Variants in LRP2 observed in about 807,000 individuals in gnomAD.
LRP2 encodes low-density lipoprotein receptor-related protein 2.
LRP2 carries 172 observed loss-of-function variants against 531.0 expected under a neutral mutation model. That is an observed-to-expected ratio of 0.32 (90% CI 0.29 to 0.37). LRP2 has a LOEUF of 0.37. LRP2 is among the 10% of genes least tolerant of loss of function. The pLI is 1.00. For missense variants in LRP2, 5,167 were observed against 5,868.3 expected, an observed-to-expected ratio of 0.88 and a Z score of 3.90; for synonymous variants, 1,992 against 2,027.6, an observed-to-expected ratio of 0.98 and a Z score of 0.47.
chr2:169,235,842 A>C lies in LRP2; in HGVS notation c.4918T>G (p.Leu1640Val). 1.2e-6 allele frequency: 2 copies of C among 1,613,418 alleles called. No homozygotes were observed. Among genetic ancestry groups the C allele is most frequent in the Non-Finnish European group, 1.7e-6 (2 of 1,179,364 alleles). The change falls in exon 29 of 79, where the codon TTG becomes GTG. Residue 1640 changes from leucine to valine, a missense_variant and splice_region_variant. This residue lies in a region of LRP2 where 2,811 missense variants were observed against 3,058.0 expected (regional missense o/e 0.92). Transcript: ENST00000649046. ...HHRRQVIASD[L>V]IIRHPYALTL... ...GGTTTTCCTCACCACCAACTTACCA[A>C]ATCACTGGCTATCACCTGTCTCCGA...
At chr2:169,171,248 C>T (rs1686993910) in intron 58 of LRP2, among the ~76,000 whole-genome samples, 1 of 152,120 alleles carries the variant, frequency 6.6e-6, no homozygotes, top group African/African-American at 2.4e-5. Flanking sequence ...AAGTGGTGAT[C>T]ACTTTTTTCT....
chr2:169,225,412 T>C lies in LRP2; in HGVS notation c.5436A>G (p.Thr1812=). The change falls in exon 33 of 79, where the codon ACA becomes ACG. Residue 1812 remains threonine (T), a synonymous_variant. Transcript: ENST00000649046. ...CCACCATAGATATAGAAGCAAATAC[T>C]GTCCTGTTGGTGCCATCTGTCTTCA... ...HRVKTDGTNR[T]VFASISMVGP... is the part of the protein sequence containing the mutation. 6.2e-7 allele frequency: 1 copy of C among 1,614,110 alleles called. No individual in the cohort carries two copies. Among genetic ancestry groups the C allele is most frequent in the Non-Finnish European group, 8.5e-7 (1 of 1,179,964 alleles).
intron 60 of LRP2, 35 bp from the exon 61 acceptor site, chr2:169,168,711 A>G (rs982288952): frequency 1.2e-6 from 2 of 1,611,820 alleles, no homozygotes; most frequent in Non-Finnish European, 1.7e-6. Flanking sequence ...TCAAATTATT[A>G]TACAAATTGA....
rs151320660 is a variant in LRP2 at position 169,220,703 on chromosome 2, T to C, written c.5539-140A>G. 90 of 681,928 alleles carry C rather than the reference T, an allele frequency of 1.3e-4. No homozygotes were observed. In the East Asian group the frequency reaches 2.5e-3, roughly 19 times the overall value. The allele number at this position is 681,928 out of a possible 1,614,324, so 42.2% of individuals were successfully genotyped here. On this transcript the variant is annotated intron_variant, in intron 33 of 78. Transcript: ENST00000649046. ...AGAGAGGATTTGCATGAGATTCAGA[T>C]AATCTATATTGCACTTCAGGGAAAT... is the stretch of plus-strand genomic sequence containing the variant.
Position 169,246,810 on chromosome 2 carries a change from ATAAGCCACAC to A in LRP2, c.3075_3084del (p.Gln1025HisfsTer158). 1 of 1,614,186 alleles carries A rather than the reference ATAAGCCACAC, an allele frequency of 6.2e-7. No individual in the cohort carries two copies. Among genetic ancestry groups the A allele is most frequent in the Non-Finnish European group, 8.5e-7 (1 of 1,180,032 alleles). ...CTGCCATTTTTACAGGGGAAGGAAA[ATAAGCCACAC>A]TGCTCTGTGGGTGGTTCATTGGTTG... is the stretch of plus-strand genomic sequence containing the variant. On this transcript the variant is annotated frameshift_variant, in exon 21 of 79. Transcript: ENST00000649046. LOFTEE classifies it high-confidence loss of function.
intron 13 of LRP2, among the ~76,000 whole-genome samples, chr2:169,277,314 G>A (rs1048438517): frequency 2.0e-5 from 3 of 151,604 alleles, no homozygotes; most frequent in Non-Finnish European, 2.9e-5. Flanking sequence ...AAATATATAA[G>A]AGCAGAGTAA....
intron 50 of LRP2, among the ~76,000 whole-genome samples, chr2:169,183,928 T>A (rs1457666411): frequency 1.3e-5 from 2 of 152,162 alleles, no homozygotes; most frequent in Non-Finnish European, 2.9e-5. Context: ...CTGGGCTCCA[T>A]TCTGCCTTTG....
chr2:169,244,827 T>C lies in LRP2; in HGVS notation c.3296A>G (p.His1099Arg). The change falls in exon 22 of 79, where the codon CAC (histidine) becomes CGC (arginine). Residue 1099 changes from histidine (H) to arginine (R), a missense_variant. Transcript: ENST00000649046. ...RNDCVDGSDE[H>R]NCPTHAPASC... The stretch of plus-strand genomic sequence containing the variant: ...AGCAGGTGCGTGGGTGGGGCAGTTG[T>C]GCTCATCACTGCCATCCACACAGTC... 1 of 1,614,264 alleles carries C rather than the reference T, an allele frequency of 6.2e-7. No individual in the cohort carries two copies. The highest frequency in any genetic ancestry group is 8.5e-7 in the Non-Finnish European group (1 of 1,180,038).
At chr2:169,197,705 A>AG (rs1688053079) in intron 45 of LRP2, among the ~76,000 whole-genome samples, 1 of 152,232 alleles carries the variant, frequency 6.6e-6, no homozygotes, top group African/African-American at 2.4e-5. Context: ...ATGATTTGCC[A>AG]GGGGAGAACT....
At chr2:169,193,970 T>C (rs897875782) in intron 46 of LRP2, 78 bp from the exon 47 acceptor site, 5 of 1,532,084 alleles carry the variant, frequency 3.3e-6, no homozygotes, top group East Asian at 2.3e-5. Flanking sequence ...GGTTGTAGCA[T>C]GGGTTGTCTA....
chr2:169,279,340 T>C (rs752549438), intron 12 of LRP2, 32 bp downstream of exon 12: 10 of 1,511,082 alleles, frequency 6.6e-6, no homozygotes, highest in African/African-American at 1.4e-5. Flanking sequence ...ATTCTAAAAA[T>C]ACAGGAATCA....
intron 1 of LRP2, among the ~76,000 whole-genome samples, chr2:169,354,523 A>C (rs1364745142): frequency 6.6e-6 from 1 of 152,226 alleles, no homozygotes; most frequent in Non-Finnish European, 1.5e-5. Context: ...GCTAATGACC[A>C]AAAGTGAAAC....
chr2:169,181,768 G>C (rs1225602832), intron 51 of LRP2, 150 bp from the exon 52 acceptor site: 1 of 674,952 alleles, frequency 1.5e-6, no homozygotes, highest in Non-Finnish European at 2.6e-6. Context: ...AAAAGAAAGA[G>C]AGCTAACAGC....
In LRP2 at chr2:169,361,878, G is replaced by A. The variant is rs556574044; in HGVS notation, c.79+443C>T. ...AGTGCTCTGGCCCGCGGCCCTGGGC[G>A]CGCGAAGGGATCCCGGGAGGGGCGC... On this transcript the variant is annotated intron_variant, in intron 1 of 78. Transcript: ENST00000649046. Among the ~76,000 whole-genome samples the A allele has an allele frequency of 2.9e-3, 438 of 152,258 alleles. 2 individuals are homozygous for A. Among genetic ancestry groups the A allele is most frequent in the Non-Finnish European group, 4.8e-3 (327 of 68,012 alleles).
At chr2:169,217,976 T>C (rs1688856890) in intron 34 of LRP2, among the ~76,000 whole-genome samples, 1 of 152,180 alleles carries the variant, frequency 6.6e-6, no homozygotes, top group South Asian at 2.1e-4. Context: ...CCTTCCATTC[T>C]TTTAACTTCT....
At position 169,206,082 on chromosome 2, in the gene LRP2, G is replaced by A. The variant is rs764422443; in HGVS notation, c.7497C>T (p.Asn2499=). 4 of 1,614,092 alleles carry A rather than the reference G, an allele frequency of 2.5e-6. No homozygotes were observed. Among genetic ancestry groups the A allele is most frequent in the Middle Eastern group, 1.6e-4 (1 of 6,084 alleles). Residue 2499 remains asparagine, a synonymous_variant, in exon 40 of 79, where the codon AAC becomes AAT. Transcript: ENST00000649046. The stretch of plus-strand genomic sequence containing the variant: ...TTGGAACGCGGGCTATCACAGTGCG[G>A]TTAGACCCATCTTCAGCCATGGAAT... ...MINSMAEDGS[N]RTVIARVPKP...
At position 169,305,665 on chromosome 2, in the gene LRP2, T is replaced by C. The variant is rs745539790; in HGVS notation, c.427+1616A>G. ...ACCAATTAATGGAATACTGGGATAATTTCTTGAAGTTTGAAATATAAATTT... is the reference window on the plus strand; with the variant it reads ...ACCAATTAATGGAATACTGGGATAACTTCTTGAAGTTTGAAATATAAATTT... On this transcript the variant is annotated intron_variant, in intron 4 of 78. Transcript: ENST00000649046. Among the ~76,000 whole-genome samples the C allele has an allele frequency of 4.6e-5, 7 of 152,174 alleles. 1 individual carries two copies. The highest frequency in any genetic ancestry group is 1.0e-4 in the Non-Finnish European group (7 of 68,028).
chr2:169,206,908 A>C lies in LRP2; in HGVS notation c.6812T>G (p.Ile2271Ser). The C allele has an allele frequency of 1.9e-6, 3 of 1,614,188 alleles. No individual in the cohort carries two copies. Among genetic ancestry groups the C allele is most frequent in the Non-Finnish European group, 1.7e-6 (2 of 1,180,040 alleles). The change falls in exon 39 of 79, where the codon ATT becomes AGT. Residue 2271 changes from isoleucine (I) to serine (S), a missense_variant. Ile to Ser is a moderately radical substitution (Grantham distance 142). This residue lies in a region of LRP2 where 2,811 missense variants were observed against 3,058.0 expected (regional missense o/e 0.92). Transcript: ENST00000649046. ...AGTTGGGTAACGACTGCCATAACGA[A>C]TCACTTCAGAGTTCTCTCCATTGAT... ...IRINGENSEV[I>S]RYGSRYPTPY... is the part of the protein sequence containing the mutation.
At position 169,213,800 on chromosome 2, in the gene LRP2, A is replaced by G; in HGVS notation, c.5897T>C (p.Ile1966Thr). 1 of 1,613,822 alleles carries G rather than the reference A, an allele frequency of 6.2e-7. No individual in the cohort carries two copies. The highest frequency in any genetic ancestry group is 1.1e-5 in the South Asian group (1 of 91,072). ...LVHQLSHPWG[I>T]AVHDSFLYYT... ...ATAAAGGAAAGAATCATGGACTGCA[A>G]TTCCCCAGGGGTGGGAAAGCTGGTG... is the stretch of plus-strand genomic sequence containing the variant. Residue 1966 changes from isoleucine (I) to threonine (T), a missense_variant, in exon 36 of 79, where the codon ATT becomes ACT. Ile to Thr is a moderately conservative substitution (Grantham distance 89, BLOSUM62 -1). Coordinates refer to ENST00000649046, the MANE Select transcript of LRP2 (RefSeq NM_004525.3).
Sources: gnomAD v4.1 joint callset for allele counts (sites outside exome capture counted in the v4.1 genomes callset) on GRCh38, gnomAD v4.1.1 for gene constraint, gnomAD v4.1.1 regional missense constraint, MANE v1.5 for transcripts, NCBI Gene and HGNC (gene_info 2026-07-23, HGNC 2026-07-21) for gene names.